The following EXOC1L variants were observed in gnomAD, a reference collection of about 807,000 sequenced individuals.
The protein encoded by EXOC1L is exocyst complex component 1-like.
Under a neutral mutation model 4.9 loss-of-function variants are expected in EXOC1L, and 10 were observed. That is an observed-to-expected ratio of 2.02 (90% CI 1.25 to 3.43). EXOC1L has a LOEUF of 3.43. Among genes scored for constraint, EXOC1L ranks in the 30% most tolerant of loss-of-function variants. The pLI is 0.00. For synonymous variants in EXOC1L, 41 were observed against 20.8 expected, an observed-to-expected ratio of 1.97 and a Z score of -2.63; for missense variants, 114 against 59.4, an observed-to-expected ratio of 1.92 and a Z score of -3.02.
At position 55,835,246 on chromosome 4, in the gene EXOC1L, C is replaced by T. The variant is rs994565325; in HGVS notation, c.253-1839C>T. 4.7e-5 allele frequency among the ~76,000 whole-genome samples: 7 copies of T among 150,510 alleles called. No homozygotes were observed. In the East Asian group the frequency reaches 1.4e-3, roughly 29 times the overall value. On this transcript the variant is annotated intron_variant, in intron 2 of 2. Transcript: ENST00000636125. Reference sequence around the variant, plus strand: ...TTATATATATTATTATTTCTTTATCCACTTGTTGGTTGATGGGCATTTGGG... The same window carrying T: ...TTATATATATTATTATTTCTTTATCTACTTGTTGGTTGATGGGCATTTGGG...
intron 1 of EXOC1L, among the ~76,000 whole-genome samples, chr4:55,822,931 A>G (rs1372475564): frequency 6.6e-6 from 1 of 151,364 alleles, no homozygotes; most frequent in Non-Finnish European, 1.5e-5. Flanking sequence ...ATATGTGTAT[A>G]TATGTATATA....
Position 55,829,349 on chromosome 4 carries a change from T to A in EXOC1L, c.122-1985T>A, listed in dbSNP as rs565425820. 2.6e-5 allele frequency among the ~76,000 whole-genome samples: 4 copies of A among 152,320 alleles called. No homozygotes were observed. In the South Asian group the frequency reaches 8.3e-4, roughly 32 times the overall value. On this transcript the variant is annotated intron_variant, in intron 1 of 2. Transcript: ENST00000636125. ...AACATAAGAAAAGTGAGGTTTAATCTCTCTAGAGATTAAATCATTTACTTA... is the reference window on the plus strand; with the variant it reads ...AACATAAGAAAAGTGAGGTTTAATCACTCTAGAGATTAAATCATTTACTTA...
At chr4:55,828,653 G>A (rs1291269788) in intron 1 of EXOC1L, among the ~76,000 whole-genome samples, 3 of 151,940 alleles carry the variant, frequency 2.0e-5, no homozygotes, top group Non-Finnish European at 4.4e-5. Flanking sequence ...CTATCACTGG[G>A]TAATACAGTG....
chr4:55,836,094 A>G (rs745396564), intron 2 of EXOC1L, among the ~76,000 whole-genome samples: 1 of 151,882 alleles, frequency 6.6e-6, no homozygotes, highest in African/African-American at 2.4e-5. Flanking sequence ...GAATTTTCCT[A>G]TTTAAAAAAC....
chr4:55,836,789 C>T (rs529424962), intron 2 of EXOC1L, among the ~76,000 whole-genome samples: 2 of 151,926 alleles, frequency 1.3e-5, no homozygotes, highest in Non-Finnish European at 2.9e-5. Flanking sequence ...ATTCCCTACT[C>T]ATCCTCTCCA....
At chr4:55,835,357 T>A (rs1348492850) in intron 2 of EXOC1L, among the ~76,000 whole-genome samples, 6 of 152,022 alleles carry the variant, frequency 3.9e-5, no homozygotes, top group Non-Finnish European at 8.8e-5. Context: ...CTTCTTTCCA[T>A]CTGGGTAGAA....
intron 1 of EXOC1L, among the ~76,000 whole-genome samples, chr4:55,822,530 T>A (rs575571690): frequency 3.0e-4 from 45 of 152,306 alleles, no homozygotes; most frequent in Middle Eastern, 3.4e-3. Context: ...ACATGTGCAA[T>A]TGTGAGAGTG....
chr4:55,820,882 G>A lies in EXOC1L; in HGVS notation c.121+735G>A, dbSNP rs1007536732. ...CTTAATTATGATTTGCCTAACCTGTGATTTCTGTGCTGAATTTAGACAGGA... is the reference window on the plus strand; with the variant it reads ...CTTAATTATGATTTGCCTAACCTGTAATTTCTGTGCTGAATTTAGACAGGA... On this transcript the variant is annotated intron_variant, in intron 1 of 2. Transcript: ENST00000636125. 2.0e-5 allele frequency among the ~76,000 whole-genome samples: 3 copies of A among 152,260 alleles called. No homozygotes were observed. In the South Asian group the frequency reaches 6.2e-4, roughly 32 times the overall value.
chr4:55,819,849 C>T lies in EXOC1L; in HGVS notation c.-178C>T, dbSNP rs1315361684. On this transcript the variant is annotated 5_prime_UTR_variant, in exon 1 of 3. Transcript: ENST00000636125. Reference sequence around the variant, plus strand: ...GATACCGCAGTGAGGGGTCTGACCGCGCTGAGTGCTCTCGGGAATCTGGGC... The same window carrying T: ...GATACCGCAGTGAGGGGTCTGACCGTGCTGAGTGCTCTCGGGAATCTGGGC... 1 of 370,734 alleles carries T rather than the reference C, an allele frequency of 2.7e-6. No individual in the cohort carries two copies. The highest frequency in any genetic ancestry group is 4.8e-6 in the Non-Finnish European group (1 of 209,262). The allele number at this position is 370,734 out of a possible 1,614,324, so 23.0% of individuals were successfully genotyped here. A position where few individuals can be genotyped will look rare whatever the true frequency, so the allele number is the denominator to read the frequency against.
chr4:55,820,250 C>T (rs1719705632), intron 1 of EXOC1L, 103 bp downstream of exon 1: 4 of 390,750 alleles, frequency 1.0e-5, no homozygotes, highest in African/African-American at 2.1e-5. Context: ...CTATATAGCA[C>T]GTGTACCTTC....
Position 55,837,284 on chromosome 4 carries a change from T to A in EXOC1L, c.452T>A (p.Val151Asp), listed in dbSNP as rs1244589087. The A allele has an allele frequency of 1.4e-6, 1 of 694,234 alleles. No individual in the cohort carries two copies. The highest frequency in any genetic ancestry group is 2.7e-5 in the East Asian group (1 of 37,102). 43.0% of individuals were successfully genotyped at this position (694,234 alleles called of 1,614,324 possible). A position where few individuals can be genotyped will look rare whatever the true frequency, so the allele number is the denominator to read the frequency against. ...IWSSNNKDCLVLMRICFYAFN... is the reference protein window; with the variant it reads ...IWSSNNKDCLDLMRICFYAFN... ...TCCTCCAACAATAAGGATTGTTTGG[T>A]CCTTATGAGAATATGCTTTTACGCT... Residue 151 changes from valine to aspartate, a missense_variant, in exon 3 of 3, where the codon GTC becomes GAC. Physicochemically the swap from Val to Asp is radical, Grantham distance 152 (BLOSUM62 -3). Transcript: ENST00000636125.
At chr4:55,828,908 C>A (rs974682071) in intron 1 of EXOC1L, among the ~76,000 whole-genome samples, 1 of 152,078 alleles carries the variant, frequency 6.6e-6, no homozygotes, top group African/African-American at 2.4e-5. Flanking sequence ...CCTTGGAAAC[C>A]TTTCCACAGG....
rs575098940 is a variant in EXOC1L at position 55,833,513 on chromosome 4, A to G, written c.252+2049A>G. Reference sequence around the variant, plus strand: ...TTTCTGTACTTGTCAAATTTCTATAATACTGCATTTAATTTGATCAGAAGT... The same window carrying G: ...TTTCTGTACTTGTCAAATTTCTATAGTACTGCATTTAATTTGATCAGAAGT... On this transcript the variant is annotated intron_variant, in intron 2 of 2. Coordinates refer to ENST00000636125, the MANE Select transcript of EXOC1L (RefSeq NM_001351574.3). Among the ~76,000 whole-genome samples the G allele has an allele frequency of 2.4e-4, 36 of 151,988 alleles. 1 individual carries two copies. Among genetic ancestry groups the G allele is most frequent in the African/African-American group, 8.7e-4 (36 of 41,520 alleles).
intron 1 of EXOC1L, 74 bp from the exon 2 acceptor site, chr4:55,831,260 A>G: frequency 4.0e-6 from 2 of 501,374 alleles, no homozygotes; most frequent in Non-Finnish European, 7.0e-6. Flanking sequence ...ATACATAAAT[A>G]CCAAAAAGTA....
intron 2 of EXOC1L, among the ~76,000 whole-genome samples, chr4:55,834,318 A>G (rs1720108044): frequency 6.6e-6 from 1 of 151,864 alleles, no homozygotes; most frequent in Non-Finnish European, 1.5e-5. Flanking sequence ...GCTGATTGAG[A>G]TCTTGGGTTT....
chr4:55,831,082 G>A (rs967638056), intron 1 of EXOC1L, among the ~76,000 whole-genome samples: 1 of 152,140 alleles, frequency 6.6e-6, no homozygotes, highest in Non-Finnish European at 1.5e-5. Flanking sequence ...ATAGCTCAAT[G>A]TTCTATTTAA....
In EXOC1L at chr4:55,822,859, A is replaced by G. The variant is rs374391712; in HGVS notation, c.121+2712A>G. On this transcript the variant is annotated intron_variant, in intron 1 of 2. Coordinates refer to ENST00000636125, the MANE Select transcript of EXOC1L (RefSeq NM_001351574.3). ...CTGTATTCTAAATAAATAGAATTAA[A>G]TTAAGGTTATAATTTTCAGATATAC... Among the ~76,000 whole-genome samples the G allele has an allele frequency of 3.3e-5, 5 of 152,154 alleles. No individual in the cohort carries two copies. The East Asian group carries it at 9.6e-4, about 29-fold the overall frequency.
At chr4:55,833,598 A>G (rs755341649) in intron 2 of EXOC1L, among the ~76,000 whole-genome samples, 39 of 151,976 alleles carry the variant, frequency 2.6e-4, no homozygotes, top group Non-Finnish European at 4.7e-4. Flanking sequence ...AACTATTCCC[A>G]CCAATCTTTG....
intron 1 of EXOC1L, among the ~76,000 whole-genome samples, chr4:55,829,486 C>T (rs1443495463): frequency 2.6e-5 from 4 of 152,200 alleles, no homozygotes; most frequent in Non-Finnish European, 5.9e-5. Context: ...TTCATTTCTT[C>T]TTCCATGTAT....
Sources: allele counts gnomAD v4.1 joint callset (sites outside exome capture counted in the v4.1 genomes callset), GRCh38; gene constraint gnomAD v4.1.1; transcripts MANE v1.5; gene names NCBI Gene and HGNC (gene_info 2026-07-23, HGNC 2026-07-21).